VTI1B: variants seen among roughly 807,000 people sequenced by gnomAD.
VTI1B encodes vesicle transport through interaction with t-SNAREs 1B, also known as vesicle transport through interaction with t-SNAREs homolog 1B.
VTI1B carries 18 observed loss-of-function variants against 28.6 expected under a neutral mutation model. The observed-to-expected ratio is 0.63, with a 90% CI of 0.43 to 0.93. The LOEUF is 0.93. Ranked by LOEUF, VTI1B falls within the 40% of genes least tolerant of loss-of-function variation. The pLI is 0.00. For synonymous variants in VTI1B, 100 were observed against 107.9 expected, an observed-to-expected ratio of 0.93 and a Z score of 0.46; for missense variants, 283 against 297.0, an observed-to-expected ratio of 0.95 and a Z score of 0.35.
intron 3 of VTI1B, 130 bp from the exon 4 acceptor site, chr14:67,656,719 A>C (rs1370651620): frequency 4.9e-6 from 5 of 1,022,924 alleles, no homozygotes; most frequent in Non-Finnish European, 4.0e-6. Flanking sequence ...TTAAGACAGA[A>C]CCAAAGAAGC....
chr14:67,664,442 T>C (rs919663295), intron 1 of VTI1B, among the ~76,000 whole-genome samples: 5 of 152,146 alleles, frequency 3.3e-5, no homozygotes, highest in African/African-American at 1.2e-4. Context: ...AAGCTATGTA[T>C]TTTTCAATGT....
intron 1 of VTI1B, chr14:67,663,117 T>G (rs2037360119): frequency 6.6e-7 from 1 of 1,524,014 alleles, no homozygotes; most frequent in Admixed American, 2.1e-5. Context: ...ACGTTATTCA[T>G]TCCCCTTTCA....
At chr14:67,672,748 T>G (rs557569435) in intron 1 of VTI1B, among the ~76,000 whole-genome samples, 41 of 152,244 alleles carry the variant, frequency 2.7e-4, no homozygotes, top group Non-Finnish European at 4.4e-4. Flanking sequence ...CTGCCTGCAG[T>G]CTACTTTTCA....
At position 67,649,577 on chromosome 14, in the gene VTI1B, G is replaced by T. The variant is rs1351975724; in HGVS notation, c.*1808C>A. ...GGGATATGCTAAAGGTGCAGGTTTA[G>T]TCAGTGGAAATCAGAGACAAATCAG... is the stretch of plus-strand genomic sequence containing the variant. On this transcript the variant is annotated 3_prime_UTR_variant, in exon 6 of 6. Transcript: ENST00000554659. The T allele has an allele frequency of 6.6e-6, 1 of 152,202 alleles. No individual in the cohort carries two copies. The highest frequency in any genetic ancestry group is 2.4e-5 in the African/African-American group (1 of 41,442). The allele number at this position is 152,202 out of a possible 1,614,324, so 9.4% of individuals were successfully genotyped here. A position where few individuals can be genotyped will look rare whatever the true frequency, so the allele number is the denominator to read the frequency against.
At position 67,651,139 on chromosome 14, in the gene VTI1B, A is replaced by G; in HGVS notation, c.*246T>C. The G allele has an allele frequency of 1.1e-6, 1 of 912,126 alleles. No individual in the cohort carries two copies. The highest frequency in any genetic ancestry group is 2.7e-5 in the East Asian group (1 of 37,672). 56.5% of individuals were successfully genotyped at this position (912,126 alleles called of 1,614,324 possible). ...TCACAGGGTATTAATATGCTACAGT[A>G]CTATGTAAATTTAAAGAAGTCATAA... On this transcript the variant is annotated 3_prime_UTR_variant, in exon 6 of 6. Coordinates refer to ENST00000554659, the MANE Select transcript of VTI1B (RefSeq NM_006370.3).
chr14:67,666,829 T>C (rs909211345), intron 1 of VTI1B, among the ~76,000 whole-genome samples: 13 of 152,220 alleles, frequency 8.5e-5, no homozygotes, highest in African/African-American at 3.1e-4. Flanking sequence ...CTTTTCTGTA[T>C]ATTAAACAAC....
At chr14:67,663,249 T>C in intron 1 of VTI1B, 1 of 1,173,660 alleles carries the variant, frequency 8.5e-7, no homozygotes, top group Non-Finnish European at 1.2e-6. Flanking sequence ...TAAAACAGTA[T>C]TGTCTTAATT....
chr14:67,667,536 T>C (rs754978453), intron 1 of VTI1B, among the ~76,000 whole-genome samples: 21 of 152,188 alleles, frequency 1.4e-4, no homozygotes, highest in Non-Finnish European at 2.2e-4. Context: ...ACACATAACA[T>C]TCACTTAGCA....
intron 1 of VTI1B, among the ~76,000 whole-genome samples, chr14:67,665,029 A>G (rs2037383362): frequency 6.6e-6 from 1 of 152,156 alleles, no homozygotes; most frequent in Admixed American, 6.5e-5. Flanking sequence ...CCACAACCAG[A>G]TAATTTTTCT....
intron 4 of VTI1B, among the ~76,000 whole-genome samples, chr14:67,654,874 G>A (rs540828948): frequency 1.3e-3 from 195 of 151,352 alleles, no homozygotes; most frequent in Non-Finnish European, 9.6e-4. Context: ...CTAAAAATAC[G>A]AAAAATTAGC....
At chr14:67,661,278 C>CA (rs1208811725) in intron 2 of VTI1B, among the ~76,000 whole-genome samples, 28,433 of 56,304 alleles carry the variant, frequency 0.5, 7,832 homozygotes, top group Non-Finnish European at 0.61. Flanking sequence ...AGGGCTAGAG[C>CA]AAAAAAAAAA....
In VTI1B at chr14:67,662,537, T is replaced by C. The variant is rs1447892523; in HGVS notation, c.116-2A>G. The C allele has an allele frequency of 6.2e-7, 1 of 1,605,664 alleles. No individual in the cohort carries two copies. Among genetic ancestry groups the C allele is most frequent in the Non-Finnish European group, 8.5e-7 (1 of 1,174,646 alleles). On this transcript the variant is annotated splice_acceptor_variant, in intron 1 of 5. Transcript: ENST00000554659. LOFTEE classifies it high-confidence loss of function. Reference sequence around the variant, plus strand: ...CCCTGATCAATTTCTTCTTTTCTTCTAGAAAAGATAGATAAGTTTCAAATG... The same window carrying C: ...CCCTGATCAATTTCTTCTTTTCTTCCAGAAAAGATAGATAAGTTTCAAATG...
chr14:67,650,641 T>C lies in VTI1B; in HGVS notation c.*744A>G, dbSNP rs2037161208. 1 of 1,387,492 alleles carries C rather than the reference T, an allele frequency of 7.2e-7. No homozygotes were observed. The highest frequency in any genetic ancestry group is 1.0e-6 in the Non-Finnish European group (1 of 976,822). The allele number at this position is 1,387,492 out of a possible 1,614,324, so 85.9% of individuals were successfully genotyped here. On this transcript the variant is annotated 3_prime_UTR_variant, in exon 6 of 6. Transcript: ENST00000554659. Reference sequence around the variant, plus strand: ...TGTTTTTACTTTGGCTTGTTCTCCCTGTCCCAGTGGGATGACCCTCACTGA... The same window carrying C: ...TGTTTTTACTTTGGCTTGTTCTCCCCGTCCCAGTGGGATGACCCTCACTGA...
At chr14:67,669,897 C>T (rs189145354) in intron 1 of VTI1B, among the ~76,000 whole-genome samples, 113 of 152,242 alleles carry the variant, frequency 7.4e-4, no homozygotes, top group African/African-American at 2.5e-3. Context: ...CCCAGGAATT[C>T]GAGAACAGCC....
chr14:67,654,601 G>A (rs1346583525), intron 4 of VTI1B, among the ~76,000 whole-genome samples: 1 of 152,152 alleles, frequency 6.6e-6, no homozygotes, highest in Non-Finnish European at 1.5e-5. Flanking sequence ...GAGAACTGAA[G>A]CTATTAAGAA....
chr14:67,660,111 C>G, intron 2 of VTI1B, 189 bp from the exon 3 acceptor site: 1 of 567,302 alleles, frequency 1.8e-6, no homozygotes, highest in Non-Finnish European at 3.0e-6. Flanking sequence ...TAGTGCCCAG[C>G]AAGCACAGAG....
intron 1 of VTI1B, among the ~76,000 whole-genome samples, chr14:67,663,999 A>T (rs559283504): frequency 6.6e-5 from 10 of 152,284 alleles, no homozygotes; most frequent in East Asian, 5.8e-4. Flanking sequence ...TTGATTTTTT[A>T]AAAAAATTTA....
intron 4 of VTI1B, among the ~76,000 whole-genome samples, chr14:67,653,792 A>G (rs893123822): frequency 3.3e-5 from 5 of 152,250 alleles, no homozygotes; most frequent in African/African-American, 1.2e-4. Context: ...CTTCAAGTGT[A>G]GCCAGCAGAC....
chr14:67,649,748 T>C lies in VTI1B; in HGVS notation c.*1637A>G, dbSNP rs1594831630. Reference sequence around the variant, plus strand: ...ATGGCATTCAGCACATCATGTACTATAGTGTAATATCAATAAACCATTAGG... The same window carrying C: ...ATGGCATTCAGCACATCATGTACTACAGTGTAATATCAATAAACCATTAGG... On this transcript the variant is annotated 3_prime_UTR_variant, in exon 6 of 6. Coordinates refer to ENST00000554659, the MANE Select transcript of VTI1B (RefSeq NM_006370.3). 1.3e-5 allele frequency: 2 copies of C among 152,220 alleles called. No homozygotes were observed. The highest frequency in any genetic ancestry group is 2.4e-5 in the African/African-American group (1 of 41,470). 9.4% of individuals were successfully genotyped at this position (152,220 alleles called of 1,614,324 possible). A position where few individuals can be genotyped will look rare whatever the true frequency, so the allele number is the denominator to read the frequency against.
Sources: allele counts gnomAD v4.1 joint callset (sites outside exome capture counted in the v4.1 genomes callset), GRCh38; gene constraint gnomAD v4.1.1; transcripts MANE v1.5; gene names NCBI Gene and HGNC (gene_info 2026-07-23, HGNC 2026-07-21).